SORCS1: variants seen among roughly 807,000 people sequenced by gnomAD.
SORCS1 encodes the protein VPS10 domain-containing receptor SorCS1.
SORCS1 carries 60 observed loss-of-function variants against 146.1 expected under a neutral mutation model. The observed-to-expected ratio is 0.41, with a 90% CI of 0.33 to 0.51. SORCS1 has a LOEUF of 0.51. SORCS1 is among the 20% of genes least tolerant of loss of function. SORCS1 has a pLI of 0.21. For synonymous variants in SORCS1, 637 were observed against 584.0 expected, an observed-to-expected ratio of 1.09 and a Z score of -1.31; for missense variants, 1,352 against 1,487.6, an observed-to-expected ratio of 0.91 and a Z score of 1.50.
intron 1 of SORCS1, among the ~76,000 whole-genome samples, chr10:106,964,372 T>C (rs1955398365): frequency 6.6e-6 from 1 of 152,222 alleles, no homozygotes; most frequent in Non-Finnish European, 1.5e-5. Flanking sequence ...GATGCACTCA[T>C]AGCTCACTGC....
At chr10:107,004,175 CAAAA>C (rs1190654041) in intron 1 of SORCS1, among the ~76,000 whole-genome samples, 1 of 49,578 alleles carries the variant, frequency 2.0e-5, no homozygotes, top group South Asian at 9.2e-4. Flanking sequence ...GATCCCATCT[CAAAA>C]AAAAAAAAAA....
intron 1 of SORCS1, among the ~76,000 whole-genome samples, chr10:107,022,311 TC>T (rs1958186062): frequency 6.6e-6 from 1 of 152,154 alleles, no homozygotes; most frequent in African/African-American, 2.4e-5. Flanking sequence ...CACACACTGG[TC>T]CGGAGTCCAG....
chr10:107,065,142 G>C (rs1961619853), intron 1 of SORCS1, among the ~76,000 whole-genome samples: 1 of 152,134 alleles, frequency 6.6e-6, no homozygotes, highest in South Asian at 2.1e-4. Flanking sequence ...TTGAGGGTGG[G>C]GGGAGGCAGG....
chr10:106,965,315 C>A (rs1181116820), intron 1 of SORCS1, among the ~76,000 whole-genome samples: 1 of 152,132 alleles, frequency 6.6e-6, no homozygotes, highest in African/African-American at 2.4e-5. Context: ...GCAAAACTCC[C>A]TTTACCCTCA....
chr10:106,637,973 G>T (rs912620582), intron 18 of SORCS1, among the ~76,000 whole-genome samples: 1 of 152,156 alleles, frequency 6.6e-6, no homozygotes, highest in African/African-American at 2.4e-5. Flanking sequence ...GAATACATAA[G>T]ACAGGAGGAA....
chr10:107,118,227 G>GA (rs1248156970), intron 1 of SORCS1, among the ~76,000 whole-genome samples: 1 of 152,118 alleles, frequency 6.6e-6, no homozygotes, highest in Non-Finnish European at 1.5e-5. Flanking sequence ...AGCCATCTCT[G>GA]AACCAGGATG....
chr10:107,105,604 A>G (rs573091483), intron 1 of SORCS1, among the ~76,000 whole-genome samples: 2 of 152,204 alleles, frequency 1.3e-5, no homozygotes, highest in Non-Finnish European at 2.9e-5. Flanking sequence ...GTTCGAGGGC[A>G]GGATGCACCC....
intron 1 of SORCS1, among the ~76,000 whole-genome samples, chr10:106,976,132 CAAA>C (rs765709439): frequency 3.8e-4 from 32 of 83,860 alleles, no homozygotes; most frequent in East Asian, 1.4e-3. Flanking sequence ...GACTCTGTCT[CAAA>C]AAAAAAAAAA....
At chr10:107,092,072 G>T (rs1556760) in intron 1 of SORCS1, among the ~76,000 whole-genome samples, 80,566 of 152,074 alleles carry the variant, frequency 0.53, 22,289 homozygotes, top group African/African-American at 0.65. Flanking sequence ...AGTTGATTTA[G>T]GAAGGAAGAT....
intron 5 of SORCS1, among the ~76,000 whole-genome samples, chr10:106,743,139 A>G (rs1002563908): frequency 1.3e-5 from 2 of 152,100 alleles, no homozygotes; most frequent in African/African-American, 2.4e-5. Flanking sequence ...AAATATCTCA[A>G]TGTGACAAAG....
intron 1 of SORCS1, among the ~76,000 whole-genome samples, chr10:107,100,355 T>C (rs1168629932): frequency 6.6e-6 from 1 of 151,662 alleles, no homozygotes; most frequent in Non-Finnish European, 1.5e-5. Flanking sequence ...CTACTAAAAA[T>C]ACAAAAAACT....
intron 1 of SORCS1, among the ~76,000 whole-genome samples, chr10:106,975,353 G>T (rs959970172): frequency 2.0e-5 from 3 of 152,162 alleles, no homozygotes; most frequent in African/African-American, 7.2e-5. Flanking sequence ...TGAATCTGAC[G>T]CTTCTCATCA....
At chr10:106,951,331 G>A (rs1341652286) in intron 2 of SORCS1, among the ~76,000 whole-genome samples, 1 of 151,938 alleles carries the variant, frequency 6.6e-6, no homozygotes, top group Non-Finnish European at 1.5e-5. Flanking sequence ...CTAACATGGT[G>A]AAACCCCGTC....
At chr10:106,778,754 A>G (rs1860659572) in intron 3 of SORCS1, among the ~76,000 whole-genome samples, 1 of 152,148 alleles carries the variant, frequency 6.6e-6, no homozygotes, top group Non-Finnish European at 1.5e-5. Flanking sequence ...TAGAACATCT[A>G]TTGTCTCAGG....
At chr10:106,890,379 C>A (rs1215959783) in intron 2 of SORCS1, among the ~76,000 whole-genome samples, 1 of 152,082 alleles carries the variant, frequency 6.6e-6, no homozygotes, top group Non-Finnish European at 1.5e-5. Context: ...TGTGATAAGA[C>A]TGCCATCAAT....
At position 106,667,725 on chromosome 10, in the gene SORCS1, T is replaced by A. The variant is rs761148118; in HGVS notation, c.2267A>T (p.Asp756Val). Residue 756 changes from aspartate (D) to valine (V), a missense_variant, in exon 17 of 26, where the codon GAT (aspartate) becomes GTT (valine). Coordinates refer to ENST00000263054, the MANE Select transcript of SORCS1 (RefSeq NM_052918.5). ...GAGGTAACTCTGTCCCAAGCTGCAA[T>A]CCTTTGACAGAGAGGATGGATTGAA... The part of the protein sequence containing the change: ...FWFNPSSLSK[D>V]CSLGQSYLNS... The A allele has an allele frequency of 6.2e-7, 1 of 1,614,092 alleles. No individual in the cohort carries two copies. The highest frequency in any genetic ancestry group is 1.3e-5 in the African/African-American group (1 of 75,054).
intron 1 of SORCS1, among the ~76,000 whole-genome samples, chr10:107,155,857 T>C (rs1222028016): frequency 6.6e-6 from 1 of 152,156 alleles, no homozygotes; most frequent in Non-Finnish European, 1.5e-5. Flanking sequence ...ATAACATGAT[T>C]CTTATTAGCA....
chr10:106,829,497 A>T, intron 3 of SORCS1, 77 bp downstream of exon 3: 2 of 940,394 alleles, frequency 2.1e-6, no homozygotes, highest in Non-Finnish European at 1.7e-6. Context: ...ATGGATTTTT[A>T]GGTAGCTAGA....
intron 1 of SORCS1, among the ~76,000 whole-genome samples, chr10:107,020,971 T>A (rs897923350): frequency 6.6e-6 from 1 of 152,188 alleles, no homozygotes; most frequent in African/African-American, 2.4e-5. Context: ...ACTTTTTTTT[T>A]AATAAAGAAG....
Sources: gnomAD v4.1 joint callset for allele counts (sites outside exome capture counted in the v4.1 genomes callset) on GRCh38, gnomAD v4.1.1 for gene constraint, MANE v1.5 for transcripts, NCBI Gene and HGNC (gene_info 2026-07-23, HGNC 2026-07-21) for gene names.